Variants in ICA1 observed in about 807,000 individuals in gnomAD.
ICA1 encodes 69 kDa islet cell autoantigen.
In ICA1, 40 loss-of-function variants were observed where a neutral mutation model predicts 71.0. The observed-to-expected ratio is 0.56, with a 90% confidence interval of 0.44 to 0.73. The LOEUF (loss-of-function observed/expected upper bound fraction) is 0.73, where lower values mean the gene tolerates loss of function less well. ICA1 is among the 30% of genes least tolerant of loss of function. ICA1 has a pLI of 0.00. For synonymous variants in ICA1, 207 were observed against 209.5 expected, an observed-to-expected ratio of 0.99 and a Z score of 0.10; for missense variants, 578 against 576.5, an observed-to-expected ratio of 1.00 and a Z score of -0.03.
At chr7:8,213,156 G>A (rs1165438953) in intron 6 of ICA1, among the ~76,000 whole-genome samples, 4 of 152,100 alleles carry the variant, frequency 2.6e-5, no homozygotes, top group Non-Finnish European at 5.9e-5. Context: ...TGAAAATGGC[G>A]AGTTATGAAA....
chr7:8,227,933 C>A, intron 4 of ICA1: 1 of 401,782 alleles, frequency 2.5e-6, no homozygotes, highest in East Asian at 8.5e-5. Context: ...AGAAAAATGA[C>A]CAATTATTAA....
At chr7:8,260,081 T>C (rs1226615917) in intron 1 of ICA1, among the ~76,000 whole-genome samples, 2 of 152,146 alleles carry the variant, frequency 1.3e-5, no homozygotes, top group Admixed American at 6.5e-5. Flanking sequence ...GAAAAATTCA[T>C]CCTGACACTT....
chr7:8,175,044 A>AGGATCATCTCAT, intron 6 of ICA1, among the ~76,000 whole-genome samples: 2 of 152,260 alleles, frequency 1.3e-5, no homozygotes, highest in Admixed American at 1.3e-4. Context: ...AAAGAGAGAA[A>AGGATCATCTCAT]GGATCATCTC....
chr7:8,119,259 G>T (rs548029551), intron 13 of ICA1, among the ~76,000 whole-genome samples: 1 of 152,082 alleles, frequency 6.6e-6, no homozygotes, highest in Non-Finnish European at 1.5e-5. Context: ...GTAAAGCCAG[G>T]TGAGGAGTAG....
chr7:8,256,482 A>C (rs1323252985), intron 1 of ICA1, among the ~76,000 whole-genome samples: 1 of 151,888 alleles, frequency 6.6e-6, no homozygotes, highest in Non-Finnish European at 1.5e-5. Context: ...GATTCTTTCC[A>C]CTTGGAATGC....
intron 6 of ICA1, among the ~76,000 whole-genome samples, chr7:8,166,079 C>T (rs542434469): frequency 3.9e-5 from 6 of 152,182 alleles, no homozygotes; most frequent in South Asian, 4.2e-4. Flanking sequence ...CTAAGCAAAA[C>T]GAACAAAGCA....
At chr7:8,139,294 A>T (rs1338665628) in intron 10 of ICA1, among the ~76,000 whole-genome samples, 1 of 152,188 alleles carries the variant, frequency 6.6e-6, no homozygotes, top group East Asian at 1.9e-4. Flanking sequence ...CGATCTAACA[A>T]TTCTCCTTCC....
chr7:8,117,320 A>G (rs1311176372), intron 13 of ICA1, among the ~76,000 whole-genome samples: 11 of 152,228 alleles, frequency 7.2e-5, no homozygotes, highest in African/African-American at 2.4e-4. Flanking sequence ...CACATGTTCT[A>G]TAATGCCTCT....
At chr7:8,152,796 T>TCCACCACCA (rs79753788) in intron 8 of ICA1, among the ~76,000 whole-genome samples, 6,262 of 48,762 alleles carry the variant, frequency 0.13, 399 homozygotes, top group Non-Finnish European at 0.15. Context: ...CACCATCACC[T>TCCACCACCA]CCACCACCAC....
rs1222213674 is a variant in ICA1, at chr7:8,234,584, T to G, written c.17+1326A>C. Among the ~76,000 whole-genome samples, 1 of 152,212 alleles carries G rather than the reference T, an allele frequency of 6.6e-6. No homozygotes were observed. Among genetic ancestry groups the G allele is most frequent in the African/African-American group, 2.4e-5 (1 of 41,452 alleles). On this transcript the variant is annotated intron_variant, in intron 2 of 13. Transcript: ENST00000402384. The surrounding 1 kb of genome is among the most constrained non-coding windows in gnomAD (Gnocchi z 4.5). Reference sequence around the variant, plus strand: ...TTTCATTAAGTTTACAATTTTCAATTTACACATTTATTCTTAAAAAGCCAG... The same window carrying G: ...TTTCATTAAGTTTACAATTTTCAATGTACACATTTATTCTTAAAAAGCCAG...
At chr7:8,218,525 C>T (rs755443646) in intron 5 of ICA1, 22 bp from the exon 6 acceptor site, 30 of 1,608,972 alleles carry the variant, frequency 1.9e-5, no homozygotes, top group Non-Finnish European at 2.6e-5. Flanking sequence ...GACAAAGCCA[C>T]ACTCTCAAAA....
intron 1 of ICA1, among the ~76,000 whole-genome samples, chr7:8,257,425 T>C (rs1382897643): frequency 6.6e-6 from 1 of 152,180 alleles, no homozygotes; most frequent in Non-Finnish European, 1.5e-5. Context: ...TGGATTTCAA[T>C]ATGTATACTC....
Position 8,129,378 on chromosome 7 carries a change from A to ATTT in ICA1, c.1061-1237_1061-1236insAAA, listed in dbSNP as rs1262253733. Among the ~76,000 whole-genome samples, 1,023 of 143,706 alleles carry ATTT rather than the reference A, an allele frequency of 7.1e-3. 5 individuals carry two copies. Among genetic ancestry groups the ATTT allele is most frequent in the Middle Eastern group, 0.025 (7 of 280 alleles). The allele number at this position is 143,706 out of a possible 152,430, so 94.3% of individuals were successfully genotyped here. ...TTAGTAAGTAAAGGCTTTTTTTTTA[A>ATTT]AAAAAAAAAAGTTCTCTGTGTTGGC... is the stretch of plus-strand genomic sequence containing the variant. On this transcript the variant is annotated intron_variant, in intron 12 of 13. Coordinates refer to ENST00000402384, the MANE Select transcript of ICA1 (RefSeq NM_001136020.3).
intron 1 of ICA1, among the ~76,000 whole-genome samples, chr7:8,257,619 GCATT>G (rs1276617465): frequency 6.6e-6 from 1 of 152,062 alleles, no homozygotes; most frequent in Non-Finnish European, 1.5e-5. Flanking sequence ...GAACTATATT[GCATT>G]CAGTCACCCT....
intron 8 of ICA1, among the ~76,000 whole-genome samples, chr7:8,146,876 A>G (rs865782752): frequency 5.6e-4 from 70 of 124,038 alleles, no homozygotes; most frequent in South Asian, 3.5e-3. Context: ...ACACACACAC[A>G]CACACGCACA....
In ICA1 at chr7:8,157,194, C is replaced by G. The variant is rs778450566; in HGVS notation, c.726G>C (p.Trp242Cys). 5 of 1,605,086 alleles carry G rather than the reference C, an allele frequency of 3.1e-6. No homozygotes were observed. Among genetic ancestry groups the G allele is most frequent in the Non-Finnish European group, 4.2e-6 (5 of 1,177,382 alleles). ...CTGCCATAGTGTGAGAAGTTTTCTCCCAAAAATGAAGCAGAGTGGTCTGCA... is the reference window on the plus strand; with the variant it reads ...CTGCCATAGTGTGAGAAGTTTTCTCGCAAAAATGAAGCAGAGTGGTCTGCA... ...ATYQTTLLHF[W>C]EKTSHTMAAI... Residue 242 changes from tryptophan (W) to cysteine (C), a missense_variant, in exon 8 of 14, where the codon TGG becomes TGC. Coordinates refer to ENST00000402384, the MANE Select transcript of ICA1 (RefSeq NM_001136020.3).
At chr7:8,195,425 C>A (rs904734732) in intron 6 of ICA1, among the ~76,000 whole-genome samples, 2 of 151,984 alleles carry the variant, frequency 1.3e-5, no homozygotes, top group African/African-American at 4.8e-5. Flanking sequence ...GCTGATAATC[C>A]CAGCTACTTT....
At chr7:8,133,490 C>T (rs1253341560) in intron 12 of ICA1, among the ~76,000 whole-genome samples, 8 of 152,142 alleles carry the variant, frequency 5.3e-5, no homozygotes, top group Non-Finnish European at 1.2e-4. Context: ...CTCAAGTGAT[C>T]CTCCTGCCTT....
At chr7:8,115,347 G>T (rs1358894593) in intron 13 of ICA1, among the ~76,000 whole-genome samples, 1 of 152,164 alleles carries the variant, frequency 6.6e-6, no homozygotes, top group Non-Finnish European at 1.5e-5. Flanking sequence ...AGCTTAGTTG[G>T]AGGGGGAGTG....
Sources: allele counts gnomAD v4.1 joint callset (sites outside exome capture counted in the v4.1 genomes callset), GRCh38; gene constraint gnomAD v4.1.1; non-coding constraint Gnocchi (gnomAD v3.1); transcripts MANE v1.5; gene names NCBI Gene and HGNC (gene_info 2026-07-23, HGNC 2026-07-21).